The following CFAP20DC variants were observed in gnomAD, a reference collection of about 807,000 sequenced individuals.
The protein encoded by CFAP20DC is protein CFAP20DC.
In CFAP20DC, 84 loss-of-function variants were observed where a neutral mutation model predicts 101.7. That is an observed-to-expected ratio of 0.83 (90% CI 0.69 to 0.99). CFAP20DC has a LOEUF of 0.99. CFAP20DC is among the 50% of genes least tolerant of loss of function. CFAP20DC has a pLI of 0.00. For synonymous variants in CFAP20DC, 359 were observed against 351.2 expected (o/e 1.02, Z -0.25); for missense variants, 1,007 against 970.3 (o/e 1.04, Z -0.50).
intron 14 of CFAP20DC, among the ~76,000 whole-genome samples, chr3:58,827,049 A>C (rs536973041): frequency 1.3e-5 from 2 of 152,148 alleles, no homozygotes; most frequent in African/African-American, 4.8e-5. Flanking sequence ...GATACATGTC[A>C]CTATACCTTT....
intron 4 of CFAP20DC, among the ~76,000 whole-genome samples, chr3:59,008,249 G>C (rs1336968239): frequency 6.6e-6 from 1 of 152,150 alleles, no homozygotes; most frequent in Non-Finnish European, 1.5e-5. Flanking sequence ...TAAAACACAA[G>C]GACAGGAGCG....
Position 58,859,106 on chromosome 3 carries a change from T to G in CFAP20DC, c.1593+4452A>C, listed in dbSNP as rs550525874. Among the ~76,000 whole-genome samples, 2 of 152,216 alleles carry G rather than the reference T, an allele frequency of 1.3e-5. No homozygotes were observed. The highest frequency in any genetic ancestry group is 4.8e-5 in the African/African-American group (2 of 41,452). On this transcript the variant is annotated intron_variant, in intron 12 of 16. Transcript: ENST00000482387. This position sits in a 1 kb window ranked among gnomAD's most constrained non-coding sequence, Gnocchi z 4.1. ...AAAGATAAGTGATAGTTGTGTCTTA[T>G]AATACATTTTACGAGTTTGTAAACA...
intron 6 of CFAP20DC, among the ~76,000 whole-genome samples, chr3:58,890,464 G>A (rs561077180): frequency 1.4e-5 from 2 of 146,720 alleles, no homozygotes; most frequent in Non-Finnish European, 3.0e-5. Context: ...CCTCCCGGAC[G>A]GGGCGGCTGG....
At chr3:58,778,901 T>C (rs940961708) in intron 15 of CFAP20DC, among the ~76,000 whole-genome samples, 3 of 152,216 alleles carry the variant, frequency 2.0e-5, no homozygotes, top group African/African-American at 4.8e-5. Flanking sequence ...CACTACTGCA[T>C]GCACCCAGAA....
At chr3:58,747,917 T>A (rs1173396937) in intron 16 of CFAP20DC, among the ~76,000 whole-genome samples, 1 of 152,192 alleles carries the variant, frequency 6.6e-6, no homozygotes, top group African/African-American at 2.4e-5. Flanking sequence ...AATGCTACTT[T>A]CTTCCAATTA....
intron 14 of CFAP20DC, among the ~76,000 whole-genome samples, chr3:58,807,381 C>T (rs369715822): frequency 5.9e-5 from 9 of 152,276 alleles, no homozygotes; most frequent in East Asian, 1.9e-4. Flanking sequence ...TCCAGAGGAA[C>T]GATCAGACAG....
At chr3:58,930,579 T>G (rs949232021) in intron 5 of CFAP20DC, among the ~76,000 whole-genome samples, 1 of 152,208 alleles carries the variant, frequency 6.6e-6, no homozygotes, top group East Asian at 1.9e-4. Flanking sequence ...TAGCTGAACA[T>G]GTATCTAATC....
chr3:58,741,213 TATA>T (rs200639569), downstream of CFAP20DC, among the ~76,000 whole-genome samples: 537 of 152,324 alleles, frequency 3.5e-3, 1 homozygote, highest in Non-Finnish European at 5.9e-3. Flanking sequence ...TGCCAGCTAA[TATA>T]ATAAGTACTT....
intron 14 of CFAP20DC, among the ~76,000 whole-genome samples, chr3:58,813,746 C>G (rs1376186159): frequency 6.6e-6 from 1 of 151,846 alleles, no homozygotes; most frequent in Non-Finnish European, 1.5e-5. Context: ...GTCACTTAGC[C>G]TGACTACCTG....
intron 5 of CFAP20DC, among the ~76,000 whole-genome samples, chr3:58,922,491 C>T (rs371065376): frequency 1.1e-4 from 16 of 152,232 alleles, no homozygotes; most frequent in East Asian, 7.7e-4. Flanking sequence ...GCCATTCTCA[C>T]GGGAGTGAAT....
intron 4 of CFAP20DC, among the ~76,000 whole-genome samples, chr3:58,999,576 C>T (rs1032598731): frequency 2.0e-5 from 3 of 152,058 alleles, no homozygotes; most frequent in Non-Finnish European, 4.4e-5. Context: ...ATAGATCTTG[C>T]ACAATTAAAT....
Position 58,863,523 on chromosome 3 carries a change from T to C in CFAP20DC, c.1593+35A>G, listed in dbSNP as rs768892837. ...CTTATTGGAGCTAAGGAAACAACTG[T>C]GCTTCAAGACTACTTCACTTATCAA... On this transcript the variant is annotated intron_variant, in intron 12 of 16. Transcript: ENST00000482387. The surrounding 1 kb of genome is among the most constrained non-coding windows in gnomAD (Gnocchi z 5.9). 1.2e-6 allele frequency: 2 copies of C among 1,609,680 alleles called. No homozygotes were observed. The highest frequency in any genetic ancestry group is 8.5e-7 in the Non-Finnish European group (1 of 1,178,652).
Position 58,912,589 on chromosome 3 carries a change from T to C in CFAP20DC, c.550+1119A>G, listed in dbSNP as rs1336261853. The C allele has an allele frequency of 2.3e-5, 9 of 386,336 alleles. No homozygotes were observed. The highest frequency in any genetic ancestry group is 4.5e-5 in the Non-Finnish European group (9 of 197,968). The allele number at this position is 386,336 out of a possible 1,614,324, so 23.9% of individuals were successfully genotyped here. A position where few individuals can be genotyped will look rare whatever the true frequency, so the allele number is the denominator to read the frequency against. On this transcript the variant is annotated intron_variant, in intron 6 of 16. Transcript: ENST00000482387. This position sits in a 1 kb window ranked among gnomAD's most constrained non-coding sequence, Gnocchi z 4.4. ...ACCTTTGACATCTTATATGCAGCCCTGCTTCCTGGACTTCTAGAAGAATTG... is the reference window on the plus strand; with the variant it reads ...ACCTTTGACATCTTATATGCAGCCCCGCTTCCTGGACTTCTAGAAGAATTG...
intron 4 of CFAP20DC, among the ~76,000 whole-genome samples, chr3:58,975,655 C>T (rs1291996057): frequency 1.3e-5 from 2 of 152,150 alleles, no homozygotes; most frequent in Non-Finnish European, 2.9e-5. Context: ...GTCCAATGGT[C>T]TAAAAGAGAA....
At chr3:58,783,841 G>A (rs1301969283) in intron 15 of CFAP20DC, among the ~76,000 whole-genome samples, 2 of 151,784 alleles carry the variant, frequency 1.3e-5, no homozygotes, top group Non-Finnish European at 2.9e-5. Flanking sequence ...GTGGAGAAAG[G>A]GTATTCCTTA....
chr3:58,854,013 G>A (rs1463513850), intron 12 of CFAP20DC, among the ~76,000 whole-genome samples: 1 of 151,944 alleles, frequency 6.6e-6, no homozygotes, highest in Non-Finnish European at 1.5e-5. Context: ...GGAAATAAAG[G>A]GTATTCAATC....
chr3:58,986,805 G>GA (rs1382623659), intron 4 of CFAP20DC, among the ~76,000 whole-genome samples: 1 of 151,590 alleles, frequency 6.6e-6, no homozygotes, highest in African/African-American at 2.4e-5. Flanking sequence ...TACTCTCACG[G>GA]AAAAAACGAC....
intron 16 of CFAP20DC, among the ~76,000 whole-genome samples, chr3:58,749,153 G>A (rs2068400320): frequency 6.6e-6 from 1 of 152,100 alleles, no homozygotes; most frequent in Non-Finnish European, 1.5e-5. Flanking sequence ...TATTTCCTAT[G>A]GCCAGTAGAG....
chr3:58,934,476 G>C (rs1168455961), intron 5 of CFAP20DC, among the ~76,000 whole-genome samples: 3 of 152,072 alleles, frequency 2.0e-5, no homozygotes, highest in African/African-American at 4.8e-5. Flanking sequence ...CCAAAAAAGA[G>C]AATTTTAGAC....
Sources: allele counts gnomAD v4.1 joint callset (sites outside exome capture counted in the v4.1 genomes callset), GRCh38; gene constraint gnomAD v4.1.1; non-coding constraint Gnocchi (gnomAD v3.1); transcripts MANE v1.5; gene names NCBI Gene and HGNC (gene_info 2026-07-23, HGNC 2026-07-21).